The following CYP4B1 variants were observed in gnomAD, a reference collection of about 807,000 sequenced individuals.
CYP4B1 encodes the protein cytochrome P450 family 4 subfamily B member 1.
Under a neutral mutation model 54.0 loss-of-function variants are expected in CYP4B1, and 45 were observed. That is an observed-to-expected ratio of 0.83 (90% CI 0.66 to 1.07). The LOEUF (loss-of-function observed/expected upper bound fraction) is 1.07, where lower values mean the gene tolerates loss of function less well. Ranked by LOEUF, CYP4B1 falls within the 50% of genes least tolerant of loss-of-function variation. The pLI is 0.00. For missense variants in CYP4B1, 656 were observed against 655.4 expected (o/e 1.00, Z -0.01); for synonymous variants, 248 against 247.5 (o/e 1.00, Z -0.02).
Position 46,819,197 on chromosome 1 carries a change from A to C in CYP4B1, c.*383A>C, listed in dbSNP as rs1679460951. ...CTGAGATTCATGGTTATGGCTGGGT[A>C]CCACCAAATAGAAGAATGGCTTAGG... On this transcript the variant is annotated 3_prime_UTR_variant, in exon 12 of 12. Coordinates refer to ENST00000371923, the MANE Select transcript of CYP4B1 (RefSeq NM_001099772.2). 5.6e-6 allele frequency: 1 copy of C among 179,464 alleles called. No individual in the cohort carries two copies. The highest frequency in any genetic ancestry group is 1.2e-5 in the Non-Finnish European group (1 of 85,626). 11.1% of individuals were successfully genotyped at this position (179,464 alleles called of 1,614,324 possible).
chr1:46,817,653 G>C (rs1188037266), intron 9 of CYP4B1, among the ~76,000 whole-genome samples: 1 of 152,188 alleles, frequency 6.6e-6, no homozygotes, highest in Non-Finnish European at 1.5e-5. Flanking sequence ...AACTTCCCAA[G>C]AGTCAGTTAG....
intron 1 of CYP4B1, among the ~76,000 whole-genome samples, chr1:46,807,110 C>G (rs566220990): frequency 6.6e-6 from 1 of 152,204 alleles, no homozygotes; most frequent in South Asian, 2.1e-4. Context: ...TGGGCTCATG[C>G]ACATGTTTTT....
chr1:46,809,554 A>C (rs940188978), intron 1 of CYP4B1, among the ~76,000 whole-genome samples: 4 of 152,240 alleles, frequency 2.6e-5, no homozygotes, highest in African/African-American at 9.6e-5. Flanking sequence ...CTTCCCTAAA[A>C]TGGGACCACT....
At chr1:46,814,112 C>A (rs1402313736) in intron 6 of CYP4B1, 49 bp downstream of exon 6, 2 of 1,611,208 alleles carry the variant, frequency 1.2e-6, no homozygotes, top group African/African-American at 2.7e-5. Context: ...GGTTCCTCCT[C>A]CTGGCCCCTC....
rs773929688 is a variant in CYP4B1, at chr1:46,814,034, G to A, written c.746G>A (p.Arg249Gln). 21 of 1,614,110 alleles carry A rather than the reference G, an allele frequency of 1.3e-5. No individual in the cohort carries two copies. The East Asian group carries it at 1.3e-4, about 10-fold the overall frequency. The change falls in exon 6 of 12, where the codon CGG becomes CAG. Residue 249 changes from arginine (R) to glutamine (Q), a missense_variant. By Grantham distance (43) the Arg-to-Gln change is conservative. Transcript: ENST00000371923. ...WLTPHGRRFL[R>Q]ACQVAHDHTD... ...ACCCCACATGGCCGCCGCTTCCTGC[G>A]GGCCTGCCAGGTGGCCCATGACCAT...
At chr1:46,817,671 G>C (rs565920722) in intron 9 of CYP4B1, among the ~76,000 whole-genome samples, 35 of 152,288 alleles carry the variant, frequency 2.3e-4, no homozygotes, top group African/African-American at 8.4e-4. Flanking sequence ...TAGCTGAAAA[G>C]GTTTAATAGT....
intron 8 of CYP4B1, among the ~76,000 whole-genome samples, chr1:46,815,920 C>G (rs1679316221): frequency 6.6e-6 from 1 of 152,166 alleles, no homozygotes; most frequent in Admixed American, 6.5e-5. Context: ...GACAACCTGC[C>G]TTTCTCTCTG....
chr1:46,815,771 G>C (rs2148410741), intron 8 of CYP4B1, among the ~76,000 whole-genome samples: 1 of 152,256 alleles, frequency 6.6e-6, no homozygotes. Context: ...GTTTTCCCCT[G>C]TTTCTTGGCT....
chr1:46,817,432 T>G, intron 9 of CYP4B1: 1 of 540,938 alleles, frequency 1.8e-6, no homozygotes, highest in Non-Finnish European at 3.3e-6. Context: ...TTAAAGAGAA[T>G]GTTCACCAAG....
Position 46,813,523 on chromosome 1 carries a change from C to A in CYP4B1, c.537C>A (p.Asp179Glu), listed in dbSNP as rs1263276511. ...AAGCTCGGGAGGGTAAGTCCTTTGA[C>A]ATCTTCTGCGATGTGGGTCACATGG... Reference protein sequence around the residue: ...EEKAREGKSFDIFCDVGHMAL... With the variant: ...EEKAREGKSFEIFCDVGHMAL... The change falls in exon 5 of 12, where the codon GAC (aspartate) becomes GAA (glutamate). Residue 179 changes from aspartate (D) to glutamate (E), a missense_variant. Asp to Glu is a conservative substitution (Grantham distance 45). Coordinates refer to ENST00000371923, the MANE Select transcript of CYP4B1 (RefSeq NM_001099772.2). 1 of 1,614,220 alleles carries A rather than the reference C, an allele frequency of 6.2e-7. No individual in the cohort carries two copies. Among genetic ancestry groups the A allele is most frequent in the Non-Finnish European group, 8.5e-7 (1 of 1,180,036 alleles).
chr1:46,815,484 T>C, intron 8 of CYP4B1: 1 of 413,518 alleles, frequency 2.4e-6, no homozygotes, highest in Non-Finnish European at 4.3e-6. Flanking sequence ...TCAGAAGTGT[T>C]ATGTAGAGAA....
intron 5 of CYP4B1, 43 bp downstream of exon 5, chr1:46,813,649 A>C (rs774801865): frequency 6.2e-7 from 1 of 1,610,444 alleles, no homozygotes; most frequent in Admixed American, 1.7e-5. Context: ...CTCCAAAGCC[A>C]TCTTAGAGGG....
At chr1:46,804,713 C>T (rs1678790897) in intron 1 of CYP4B1, among the ~76,000 whole-genome samples, 1 of 152,016 alleles carries the variant, frequency 6.6e-6, no homozygotes, top group South Asian at 2.1e-4. Flanking sequence ...TTTCTATTTT[C>T]TCTGGGAAGT....
intron 9 of CYP4B1, among the ~76,000 whole-genome samples, chr1:46,817,662 A>G (rs1679390385): frequency 1.3e-5 from 2 of 152,228 alleles, no homozygotes; most frequent in African/African-American, 4.8e-5. Context: ...AGAGTCAGTT[A>G]GCTGAAAAGG....
At chr1:46,817,317 C>G in intron 9 of CYP4B1, 136 bp downstream of exon 9, 1 of 982,302 alleles carries the variant, frequency 1.0e-6, no homozygotes, top group Non-Finnish European at 1.5e-6. Context: ...GTCTAAATCC[C>G]AGCCCCACAA....
chr1:46,801,676 C>G (rs908605331), intron 1 of CYP4B1, among the ~76,000 whole-genome samples: 1 of 152,164 alleles, frequency 6.6e-6, no homozygotes, highest in African/African-American at 2.4e-5. Flanking sequence ...CATACCTGAA[C>G]TTGAGAAATG....
Position 46,811,149 on chromosome 1 carries a change from C to A in CYP4B1, c.332C>A (p.Ala111Asp), listed in dbSNP as rs45559437. The A allele has an allele frequency of 6.2e-7, 1 of 1,614,156 alleles. No homozygotes were observed. Among genetic ancestry groups the A allele is most frequent in the Non-Finnish European group, 8.5e-7 (1 of 1,180,018 alleles). Residue 111 changes from alanine to aspartate, a missense_variant, in exon 3 of 12, where the codon GCC becomes GAC. Ala to Asp is a moderately radical substitution (Grantham distance 126). Transcript: ENST00000371923. The stretch of plus-strand genomic sequence containing the variant: ...TTGTCTCCTCCTGCAGACCCTAAGG[C>A]CCCTGATGTGTATGACTTCTTCCTC... Reference protein sequence around the residue: ...KAVYSRGDPKAPDVYDFFLQW... With the variant: ...KAVYSRGDPKDPDVYDFFLQW...
Position 46,815,091 on chromosome 1 carries a change from A to G in CYP4B1, c.900A>G (p.Lys300=), listed in dbSNP as rs867329257. Residue 300 remains lysine, a synonymous_variant, in exon 8 of 12, where the codon AAA becomes AAG. Coordinates refer to ENST00000371923, the MANE Select transcript of CYP4B1 (RefSeq NM_001099772.2). Reference sequence around the variant, plus strand: ...TAACCCAGGATGAAGATGACATCAAACTGTCAGATGCAGACCTCCGGGCTG... The same window carrying G: ...TAACCCAGGATGAAGATGACATCAAGCTGTCAGATGCAGACCTCCGGGCTG... The part of the protein sequence containing the change: ...LLGARDEDDI[K]LSDADLRAEV... The G allele has an allele frequency of 3.7e-6, 6 of 1,614,138 alleles. No homozygotes were observed. Among genetic ancestry groups the G allele is most frequent in the Middle Eastern group, 1.6e-4 (1 of 6,062 alleles).
intron 2 of CYP4B1, 69 bp downstream of exon 2, chr1:46,811,018 T>C (rs1036640605): frequency 1.4e-5 from 23 of 1,602,828 alleles, no homozygotes; most frequent in Non-Finnish European, 1.9e-5. Context: ...CAGGGCATGA[T>C]ATGGGGAGGA....
Sources: allele counts gnomAD v4.1 joint callset (sites outside exome capture counted in the v4.1 genomes callset), GRCh38; gene constraint gnomAD v4.1.1; transcripts MANE v1.5; gene names NCBI Gene and HGNC (gene_info 2026-07-23, HGNC 2026-07-21).